Variants in SEC11A observed in about 807,000 individuals in gnomAD.
The protein encoded by SEC11A is SEC11 homolog A, signal peptidase complex subunit, also known as signal peptidase complex catalytic subunit SEC11A.
In SEC11A, 14 loss-of-function variants were observed where a neutral mutation model predicts 25.6. The observed-to-expected ratio is 0.55, with a 90% CI of 0.36 to 0.85. The LOEUF is 0.85. SEC11A is among the 40% of genes least tolerant of loss of function. SEC11A has a pLI of 0.01. For synonymous variants in SEC11A, 83 were observed against 76.4 expected, an observed-to-expected ratio of 1.09 and a Z score of -0.45; for missense variants, 153 against 222.9, an observed-to-expected ratio of 0.69 and a Z score of 2.00.
chr15:84,706,813 G>T (rs183606690), intron 1 of SEC11A, among the ~76,000 whole-genome samples: 2 of 152,292 alleles, frequency 1.3e-5, no homozygotes, highest in Non-Finnish European at 2.9e-5. Flanking sequence ...ATGGTTCTGG[G>T]TTAGAGTTAG....
At chr15:84,676,271 C>A (rs146343643) in intron 4 of SEC11A, among the ~76,000 whole-genome samples, 36 of 151,922 alleles carry the variant, frequency 2.4e-4, no homozygotes, top group Non-Finnish European at 4.1e-4. Context: ...GAGAGACCAG[C>A]CTGGCCAACA....
At chr15:84,700,902 C>G (rs946371875) in intron 1 of SEC11A, among the ~76,000 whole-genome samples, 1 of 149,326 alleles carries the variant, frequency 6.7e-6, no homozygotes, top group African/African-American at 2.5e-5. Context: ...GTCACTTGAA[C>G]CCGGAAGGCA....
chr15:84,701,304 C>G (rs1383772443), intron 1 of SEC11A, among the ~76,000 whole-genome samples: 1 of 150,846 alleles, frequency 6.6e-6, no homozygotes, highest in Admixed American at 6.6e-5. Flanking sequence ...AAGACTCCAT[C>G]TCAATAACAA....
In SEC11A at chr15:84,680,724, C is replaced by T; in HGVS notation, c.420G>A (p.Gly140=). 1 of 1,611,812 alleles carries T rather than the reference C, an allele frequency of 6.2e-7. No individual in the cohort carries two copies. Among genetic ancestry groups the T allele is most frequent in the Non-Finnish European group, 8.5e-7 (1 of 1,178,542 alleles). Residue 140 remains glycine, a synonymous_variant, in exon 4 of 6, where the codon GGG becomes GGA. Transcript: ENST00000268220. ...QHWLEKKDVV[G]RARGFVPYIG... The stretch of plus-strand genomic sequence containing the variant: ...CCCTCTATACTTACCCCCTGGCTCT[C>T]CCCACAACATCTTTTTTCTCTAGCC...
At chr15:84,694,281 G>C (rs1213855621) in intron 1 of SEC11A, among the ~76,000 whole-genome samples, 1 of 152,008 alleles carries the variant, frequency 6.6e-6, no homozygotes, top group South Asian at 2.1e-4. Context: ...CTTGAACCCA[G>C]GAGGCGGGGG....
At chr15:84,692,024 C>CTTTT (rs59177902) in intron 1 of SEC11A, 14 of 127,314 alleles carry the variant, frequency 1.1e-4, no homozygotes, top group South Asian at 2.4e-4. Context: ...TTTTCTTTTT[C>CTTTT]TTTTTTTTTT....
At position 84,694,552 on chromosome 15, in the gene SEC11A, G is replaced by C. The variant is rs961934786; in HGVS notation, c.52-2908C>G. 7.2e-5 allele frequency among the ~76,000 whole-genome samples: 11 copies of C among 152,082 alleles called. 1 individual carries two copies. The East Asian group carries it at 2.1e-3, about 29-fold the overall frequency. On this transcript the variant is annotated intron_variant, in intron 1 of 5. Transcript: ENST00000268220. ...AAAAGCAATATCCTAGCCATGGCAG[G>C]CCACCTACATCAACCATTTTCATCT...
intron 1 of SEC11A, among the ~76,000 whole-genome samples, chr15:84,709,258 T>C (rs1229432854): frequency 1.3e-5 from 2 of 152,016 alleles, no homozygotes; most frequent in African/African-American, 4.8e-5. Context: ...TTGAACTCCT[T>C]GGGCTCAAGC....
At chr15:84,676,499 T>C (rs889449088) in intron 4 of SEC11A, among the ~76,000 whole-genome samples, 2 of 144,902 alleles carry the variant, frequency 1.4e-5, no homozygotes, top group South Asian at 2.2e-4. Flanking sequence ...GGAGGCGGAG[T>C]GCAGTGGCTC....
At chr15:84,709,196 CT>C (rs538963366) in intron 1 of SEC11A, among the ~76,000 whole-genome samples, 11 of 148,294 alleles carry the variant, frequency 7.4e-5, no homozygotes, top group East Asian at 3.9e-4. Context: ...GAGTAAATAT[CT>C]TTTTTTTTTG....
At chr15:84,695,551 A>G (rs1236472258) in intron 1 of SEC11A, among the ~76,000 whole-genome samples, 1 of 152,066 alleles carries the variant, frequency 6.6e-6, no homozygotes, top group Non-Finnish European at 1.5e-5. Context: ...GAATCACTTG[A>G]ACCCAGGACG....
At chr15:84,689,964 T>C (rs1360138923) in intron 2 of SEC11A, among the ~76,000 whole-genome samples, 4 of 152,102 alleles carry the variant, frequency 2.6e-5, no homozygotes, top group Non-Finnish European at 4.4e-5. Context: ...GTTACTAAAT[T>C]AGGTTTTAAA....
Position 84,698,086 on chromosome 15 carries a change from T to C in SEC11A, c.52-6442A>G, listed in dbSNP as rs554184298. ...GAATAAGCCACAAGACAATTTATAATCCACTCTAAGTAATATATAATAAGA... is the reference window on the plus strand; with the variant it reads ...GAATAAGCCACAAGACAATTTATAACCCACTCTAAGTAATATATAATAAGA... On this transcript the variant is annotated intron_variant, in intron 1 of 5. Coordinates refer to ENST00000268220, the MANE Select transcript of SEC11A (RefSeq NM_014300.4). Among the ~76,000 whole-genome samples the C allele has an allele frequency of 7.8e-4, 118 of 152,144 alleles. 1 individual carries two copies. The highest frequency in any genetic ancestry group is 5.2e-3 in the Admixed American group (80 of 15,266).
intron 1 of SEC11A, among the ~76,000 whole-genome samples, chr15:84,692,280 C>A (rs1897634584): frequency 6.6e-6 from 1 of 152,158 alleles, no homozygotes; most frequent in South Asian, 2.1e-4. Context: ...GATCTGCCCA[C>A]CTCCACCTCC....
At chr15:84,692,087 T>C (rs1011747036) in intron 1 of SEC11A, 1 of 148,774 alleles carries the variant, frequency 6.7e-6, no homozygotes, top group Non-Finnish European at 1.5e-5. Context: ...TGGAGTACAG[T>C]GGTGCCATCT....
intron 3 of SEC11A, among the ~76,000 whole-genome samples, chr15:84,685,725 C>T (rs1897400529): frequency 6.6e-6 from 1 of 151,294 alleles, no homozygotes; most frequent in Non-Finnish European, 1.5e-5. Flanking sequence ...GAATGAACAA[C>T]ACAAATCCAC....
intron 2 of SEC11A, among the ~76,000 whole-genome samples, chr15:84,690,279 C>T (rs1157301023): frequency 6.6e-6 from 1 of 152,158 alleles, no homozygotes; most frequent in African/African-American, 2.4e-5. Context: ...TGCAAAAGCT[C>T]TCTTCTCTTG....
chr15:84,671,039 A>G (rs1896970875), intron 4 of SEC11A: 2 of 297,926 alleles, frequency 6.7e-6, no homozygotes, highest in South Asian at 1.3e-4. Flanking sequence ...CACCAGATAG[A>G]GCCAAGGTCT....
intron 3 of SEC11A, among the ~76,000 whole-genome samples, chr15:84,684,410 T>C (rs1275832951): frequency 1.3e-5 from 2 of 152,152 alleles, no homozygotes; most frequent in Non-Finnish European, 2.9e-5. Flanking sequence ...CCTGCCGACA[T>C]GTACAACATG....
Sources: allele counts gnomAD v4.1 joint callset (sites outside exome capture counted in the v4.1 genomes callset), GRCh38; gene constraint gnomAD v4.1.1; transcripts MANE v1.5; gene names NCBI Gene and HGNC (gene_info 2026-07-23, HGNC 2026-07-21).